The following TESK2 variants were observed in gnomAD, a reference collection of about 807,000 sequenced individuals.
TESK2 encodes testis associated actin remodelling kinase 2, also known as dual specificity testis-specific protein kinase 2.
In TESK2, 39 loss-of-function variants were observed where a neutral mutation model predicts 57.1. That is an observed-to-expected ratio of 0.68 (90% CI 0.53 to 0.89). The LOEUF is 0.89. TESK2 is among the 40% of genes least tolerant of loss of function. The probability of loss-of-function intolerance (pLI) is 0.00; values close to 1 mark genes in which losing one functional copy is unlikely to be tolerated. For missense variants in TESK2, 646 were observed against 732.1 expected (o/e 0.88, Z 1.36); for synonymous variants, 249 against 267.9 (o/e 0.93, Z 0.69).
chr1:45,477,601 A>T (rs1208467692), intron 1 of TESK2, among the ~76,000 whole-genome samples: 17 of 152,044 alleles, frequency 1.1e-4, no homozygotes, highest in Non-Finnish European at 1.5e-5. Flanking sequence ...CAGCCTGGGC[A>T]GCTGAACGAG....
At chr1:45,369,072 T>C (rs1648070251) in intron 4 of TESK2, among the ~76,000 whole-genome samples, 3 of 152,148 alleles carry the variant, frequency 2.0e-5, no homozygotes, top group Non-Finnish European at 4.4e-5. Flanking sequence ...TTAAATAACT[T>C]GCCTATGATT....
intron 2 of TESK2, among the ~76,000 whole-genome samples, chr1:45,429,267 G>A (rs375656241): frequency 6.6e-6 from 1 of 152,076 alleles, no homozygotes; most frequent in Non-Finnish European, 1.5e-5. Flanking sequence ...GTGATGGTGC[G>A]TGTCTGTAGT....
At chr1:45,364,375 A>T (rs1423016424) in intron 4 of TESK2, among the ~76,000 whole-genome samples, 3 of 152,286 alleles carry the variant, frequency 2.0e-5, no homozygotes, top group South Asian at 2.1e-4. Flanking sequence ...TAGAGGCAGA[A>T]ATTGGACTGA....
intron 1 of TESK2, among the ~76,000 whole-genome samples, chr1:45,461,708 A>G (rs945379290): frequency 1.3e-4 from 20 of 152,262 alleles, no homozygotes; most frequent in Admixed American, 1.2e-3. Flanking sequence ...CGTTGACTAT[A>G]TAAAACATAG....
At chr1:45,486,746 A>G (rs1294265172) in intron 1 of TESK2, among the ~76,000 whole-genome samples, 1 of 141,292 alleles carries the variant, frequency 7.1e-6, no homozygotes, top group African/African-American at 2.6e-5. Context: ...AATGTTACTG[A>G]GGATCCTGAG....
In TESK2 at chr1:45,457,549, T is replaced by C; in HGVS notation, c.222+15A>G. ...CACAGCAAGACAATATGAGAAAAGC[T>C]GAAGACTCACTCACCTTGAACACTT... On this transcript the variant is annotated intron_variant, in intron 2 of 10. Coordinates refer to ENST00000372086, the MANE Select transcript of TESK2 (RefSeq NM_007170.3). The C allele has an allele frequency of 6.2e-7, 1 of 1,610,842 alleles. No homozygotes were observed. The highest frequency in any genetic ancestry group is 8.5e-7 in the Non-Finnish European group (1 of 1,177,318).
rs118151293 is a variant in TESK2, at chr1:45,396,394, C to A, written c.345-10434G>T. ...TACAGGTGTGAGCTACTGCGCCCAG[C>A]CTTCACTGGGTAAATTTAAAACACA... On this transcript the variant is annotated intron_variant, in intron 3 of 10. Coordinates refer to ENST00000372086, the MANE Select transcript of TESK2 (RefSeq NM_007170.3). 2.8e-3 allele frequency among the ~76,000 whole-genome samples: 429 copies of A among 152,116 alleles called. 4 individuals are homozygous for A. The highest frequency in any genetic ancestry group is 0.018 in the East Asian group (93 of 5,160).
intron 10 of TESK2, 71 bp from the exon 11 acceptor site, chr1:45,345,629 G>T: frequency 7.2e-7 from 1 of 1,396,090 alleles, no homozygotes; most frequent in Non-Finnish European, 9.9e-7. Context: ...ACCACAGAAT[G>T]TTTTCACTCA....
intron 4 of TESK2, among the ~76,000 whole-genome samples, chr1:45,368,406 G>A (rs1323306950): frequency 2.7e-5 from 4 of 150,284 alleles, no homozygotes; most frequent in Middle Eastern, 3.4e-3. Context: ...ACGGAGTCCC[G>A]CTCCATTGCC....
intron 6 of TESK2, 37 bp downstream of exon 6, chr1:45,347,879 CCT>C (rs761936474): frequency 2.6e-6 from 4 of 1,553,102 alleles, no homozygotes; most frequent in South Asian, 2.2e-5. Flanking sequence ...GCTTCAGCCC[CCT>C]GTCCCTTGGA....
chr1:45,457,297 CAT>C (rs1201603737), intron 2 of TESK2, among the ~76,000 whole-genome samples: 1 of 141,868 alleles, frequency 7.0e-6, no homozygotes, highest in African/African-American at 2.6e-5. Context: ...TGTGTGGATA[CAT>C]ACACACATGT....
intron 1 of TESK2, among the ~76,000 whole-genome samples, chr1:45,458,838 A>G (rs1295570615): frequency 6.6e-6 from 1 of 152,180 alleles, no homozygotes; most frequent in East Asian, 1.9e-4. Context: ...CCCATCTGGT[A>G]CATAACTAAG....
At chr1:45,383,528 G>A (rs1280954028) in intron 4 of TESK2, among the ~76,000 whole-genome samples, 1 of 152,194 alleles carries the variant, frequency 6.6e-6, no homozygotes, top group African/African-American at 2.4e-5. Context: ...CTAACAAGCA[G>A]CAGATTAAGT....
chr1:45,355,483 A>G (rs760981145), intron 4 of TESK2, 34 bp from the exon 5 acceptor site: 2 of 1,588,314 alleles, frequency 1.3e-6, no homozygotes, highest in Non-Finnish European at 8.5e-7. Flanking sequence ...GCTACCATTT[A>G]TCAGAAATAT....
chr1:45,380,487 C>T (rs1648609894), intron 4 of TESK2, among the ~76,000 whole-genome samples: 1 of 152,190 alleles, frequency 6.6e-6, no homozygotes, highest in Non-Finnish European at 1.5e-5. Flanking sequence ...AGAGGCATCT[C>T]TTTCTCTTCT....
intron 1 of TESK2, among the ~76,000 whole-genome samples, chr1:45,464,899 C>A (rs1652479970): frequency 6.6e-6 from 1 of 151,548 alleles, no homozygotes; most frequent in Non-Finnish European, 1.5e-5. Context: ...TCAGGAGTTC[C>A]AGACTGGTCT....
chr1:45,421,574 T>C, intron 3 of TESK2, 151 bp downstream of exon 3: 1 of 1,072,416 alleles, frequency 9.3e-7, no homozygotes, highest in South Asian at 1.6e-5. Context: ...TCTCAATGGG[T>C]AGAAAACGAC....
At chr1:45,404,223 A>C (rs1414531372) in intron 3 of TESK2, among the ~76,000 whole-genome samples, 1 of 152,232 alleles carries the variant, frequency 6.6e-6, no homozygotes, top group Non-Finnish European at 1.5e-5. Context: ...TGTATGGAGG[A>C]AAGAAAATGT....
intron 2 of TESK2, among the ~76,000 whole-genome samples, chr1:45,436,181 C>CTTTTTTTTTGTTTT (rs1651208969): frequency 1.8e-5 from 1 of 56,604 alleles, no homozygotes; most frequent in Non-Finnish European, 3.3e-5. Flanking sequence ...TTGGTATCTT[C>CTTTTTTTTTGTTTT]TTTTTTTTTT....
Sources: allele counts gnomAD v4.1 joint callset (sites outside exome capture counted in the v4.1 genomes callset), GRCh38; gene constraint gnomAD v4.1.1; transcripts MANE v1.5; gene names NCBI Gene and HGNC (gene_info 2026-07-23, HGNC 2026-07-21).